CHCHD6: variants seen among roughly 807,000 people sequenced by gnomAD.
The protein encoded by CHCHD6 is MICOS complex subunit MIC25.
Under a neutral mutation model 32.3 loss-of-function variants are expected in CHCHD6, and 28 were observed. The observed-to-expected ratio is 0.87, with a 90% CI of 0.64 to 1.19. CHCHD6 has a LOEUF of 1.19. Ranked by LOEUF, CHCHD6 falls within the 50% of genes most tolerant of loss-of-function variation. CHCHD6 has a pLI of 0.00. For missense variants in CHCHD6, 333 were observed against 307.0 expected, an observed-to-expected ratio of 1.08 and a Z score of -0.63; for synonymous variants, 122 against 117.5, an observed-to-expected ratio of 1.04 and a Z score of -0.25.
intron 1 of CHCHD6, among the ~76,000 whole-genome samples, chr3:126,725,160 G>A (rs1439306792): frequency 1.3e-5 from 2 of 152,212 alleles, no homozygotes; most frequent in African/African-American, 2.4e-5. Flanking sequence ...GAGTCACTAT[G>A]TATGGCAGCT....
intron 4 of CHCHD6, among the ~76,000 whole-genome samples, chr3:126,845,622 G>A (rs934669394): frequency 7.2e-5 from 11 of 151,806 alleles, no homozygotes; most frequent in African/African-American, 2.7e-4. Context: ...TAATCTTGGG[G>A]GCCCTGTTCC....
intron 5 of CHCHD6, among the ~76,000 whole-genome samples, chr3:126,867,688 G>A (rs1942333985): frequency 6.6e-6 from 1 of 152,118 alleles, no homozygotes. Flanking sequence ...TCTGATATTA[G>A]CCATTGGCCT....
chr3:126,938,267 C>G (rs1211447026), intron 6 of CHCHD6, among the ~76,000 whole-genome samples: 1 of 152,132 alleles, frequency 6.6e-6, no homozygotes, highest in African/African-American at 2.4e-5. Context: ...GTAGCCAGAG[C>G]GACAGCTGGA....
chr3:126,747,368 G>A (rs539349131), intron 4 of CHCHD6, among the ~76,000 whole-genome samples: 1 of 152,300 alleles, frequency 6.6e-6, no homozygotes, highest in East Asian at 1.9e-4. Flanking sequence ...TTTCCCAGCT[G>A]TAAAGTGAGA....
chr3:126,764,224 TAA>T (rs35908899), intron 4 of CHCHD6, among the ~76,000 whole-genome samples: 1 of 144,012 alleles, frequency 6.9e-6, no homozygotes, highest in African/African-American at 2.6e-5. Context: ...TATATATATA[TAA>T]ATATATGAAA....
intron 4 of CHCHD6, among the ~76,000 whole-genome samples, chr3:126,779,535 C>CAAAAA (rs11288509): frequency 1.9e-4 from 15 of 78,074 alleles, no homozygotes; most frequent in East Asian, 4.3e-4. Context: ...GACTCCATCT[C>CAAAAA]AAAAAAAAAA....
At chr3:126,769,575 C>A (rs1006196781) in intron 4 of CHCHD6, among the ~76,000 whole-genome samples, 34 of 152,146 alleles carry the variant, frequency 2.2e-4, no homozygotes, top group Admixed American at 2.1e-3. Context: ...GCGATCTTGG[C>A]TCACTGCAAC....
chr3:126,789,711 T>C (rs550649702), intron 4 of CHCHD6, among the ~76,000 whole-genome samples: 1 of 152,338 alleles, frequency 6.6e-6, no homozygotes, highest in South Asian at 2.1e-4. Flanking sequence ...TTTGAGCCTA[T>C]ATGTGTCTCT....
intron 4 of CHCHD6, among the ~76,000 whole-genome samples, chr3:126,833,058 A>G (rs1940705642): frequency 6.6e-6 from 1 of 152,224 alleles, no homozygotes; most frequent in Admixed American, 6.5e-5. Flanking sequence ...CACAGTATTC[A>G]TAGGCAGTAG....
chr3:126,853,767 G>T (rs866397031), intron 5 of CHCHD6, among the ~76,000 whole-genome samples: 1 of 152,104 alleles, frequency 6.6e-6, no homozygotes, highest in South Asian at 2.1e-4. Context: ...GCTGCTTTCC[G>T]AGTGGCCCTT....
At chr3:126,818,447 T>G (rs147038001) in intron 4 of CHCHD6, among the ~76,000 whole-genome samples, 114 of 152,318 alleles carry the variant, frequency 7.5e-4, no homozygotes, top group African/African-American at 2.5e-3. Flanking sequence ...TTCTCTGCCT[T>G]TCATTTGTTT....
At chr3:126,838,299 C>T (rs1017113483) in intron 4 of CHCHD6, among the ~76,000 whole-genome samples, 1 of 152,182 alleles carries the variant, frequency 6.6e-6, no homozygotes, top group Non-Finnish European at 1.5e-5. Flanking sequence ...CATCCCTCTT[C>T]TTGGCATGTT....
rs75436264 is a variant in CHCHD6 at position 126,855,783 on chromosome 3, A to G, written c.495+3053A>G. Among the ~76,000 whole-genome samples the G allele has an allele frequency of 2.8e-3, 427 of 152,252 alleles. 12 individuals are homozygous for G. The East Asian group carries it at 0.069, about 25-fold the overall frequency. On this transcript the variant is annotated intron_variant, in intron 5 of 7. Transcript: ENST00000290913. The stretch of plus-strand genomic sequence containing the variant: ...GGGACCCCTATTAACTTCAGTAGGG[A>G]TGGCACCATGTTTGAGAGCTCAAAC...
chr3:126,801,709 G>A (rs541573978), intron 4 of CHCHD6, among the ~76,000 whole-genome samples: 1 of 152,266 alleles, frequency 6.6e-6, no homozygotes, highest in Non-Finnish European at 1.5e-5. Context: ...GAAGAGAGCA[G>A]TGGTTCTCCC....
intron 6 of CHCHD6, among the ~76,000 whole-genome samples, chr3:126,931,178 G>A (rs1010978166): frequency 2.6e-5 from 4 of 152,198 alleles, no homozygotes; most frequent in South Asian, 2.1e-4. Context: ...CTGACTGGCC[G>A]CACCCCTGGG....
At chr3:126,915,736 A>C (rs929139618) in intron 6 of CHCHD6, among the ~76,000 whole-genome samples, 5 of 152,246 alleles carry the variant, frequency 3.3e-5, no homozygotes, top group African/African-American at 1.2e-4. Context: ...AGGGACAGAC[A>C]AACAGTCAGC....
chr3:126,704,270 C>G lies in CHCHD6; in HGVS notation c.-43C>G, dbSNP rs6804225. 2.0e-6 allele frequency: 3 copies of G among 1,523,142 alleles called. No homozygotes were observed. The highest frequency in any genetic ancestry group is 2.7e-6 in the Non-Finnish European group (3 of 1,109,104). The allele number at this position is 1,523,142 out of a possible 1,614,324, so 94.4% of individuals were successfully genotyped here. On this transcript the variant is annotated 5_prime_UTR_variant, in exon 1 of 8. Transcript: ENST00000290913. ...GTTGTTGGCCCGGTTGCTCTGGAGC[C>G]GGGTCTCGGGTCTGGTGGCTGCCGG...
chr3:126,803,770 G>A (rs1939205697), intron 4 of CHCHD6, among the ~76,000 whole-genome samples: 1 of 152,140 alleles, frequency 6.6e-6, no homozygotes, highest in African/African-American at 2.4e-5. Flanking sequence ...ATTTTTGTCA[G>A]CACCACACCA....
intron 4 of CHCHD6, among the ~76,000 whole-genome samples, chr3:126,794,219 A>C (rs1196405554): frequency 1.3e-5 from 2 of 151,336 alleles, no homozygotes; most frequent in Admixed American, 6.6e-5. Context: ...TAGGACTGTA[A>C]TGGTTCTTTG....
Sources: allele counts gnomAD v4.1 joint callset (sites outside exome capture counted in the v4.1 genomes callset), GRCh38; gene constraint gnomAD v4.1.1; transcripts MANE v1.5; gene names NCBI Gene and HGNC (gene_info 2026-07-23, HGNC 2026-07-21).